Variants in FAM98B observed in about 807,000 individuals in gnomAD.
FAM98B encodes the protein tRNA splicing ligase complex subunit 3B.
In FAM98B, 32 loss-of-function variants were observed where a neutral mutation model predicts 43.9. The ratio of observed to expected loss-of-function variants is 0.73; its 90% CI spans 0.55 to 0.98. The LOEUF is 0.98. Among genes scored for constraint, FAM98B ranks in the 50% least tolerant of loss-of-function variants. The pLI is 0.00. For synonymous variants in FAM98B, 190 were observed against 174.0 expected (o/e 1.09, Z -0.72); for missense variants, 514 against 522.9 (o/e 0.98, Z 0.17).
intron 6 of FAM98B, among the ~76,000 whole-genome samples, chr15:38,476,248 C>T (rs1257002639): frequency 1.3e-5 from 2 of 152,058 alleles, no homozygotes; most frequent in African/African-American, 4.8e-5. Context: ...AGAAAACTGA[C>T]TCCATTCTCT....
intron 4 of FAM98B, among the ~76,000 whole-genome samples, chr15:38,471,026 G>A (rs975251523): frequency 1.3e-5 from 2 of 151,442 alleles, no homozygotes; most frequent in African/African-American, 4.9e-5. Flanking sequence ...TACTCTCACA[G>A]ACCAAATTCT....
chr15:38,475,325 T>G (rs1281580718), intron 6 of FAM98B, among the ~76,000 whole-genome samples: 2 of 152,184 alleles, frequency 1.3e-5, no homozygotes, highest in Admixed American at 6.5e-5. Flanking sequence ...TCTTTCCATG[T>G]GATATATTAG....
intron 4 of FAM98B, 148 bp downstream of exon 4, chr15:38,470,553 C>G (rs1025281735): frequency 4.7e-6 from 3 of 637,694 alleles, no homozygotes; most frequent in Non-Finnish European, 7.5e-6. Context: ...TGGATTCAGA[C>G]TTAACAGGCA....
intron 6 of FAM98B, among the ~76,000 whole-genome samples, chr15:38,480,105 AT>A (rs1198342734): frequency 1.3e-5 from 2 of 151,976 alleles, no homozygotes; most frequent in Non-Finnish European, 2.9e-5. Flanking sequence ...TGTTGAAAAT[AT>A]TTTCCCCAGT....
intron 7 of FAM98B, chr15:38,483,036 G>C (rs1214889257): frequency 6.6e-6 from 1 of 152,086 alleles, no homozygotes; most frequent in Non-Finnish European, 1.5e-5. Flanking sequence ...GTGATACCTG[G>C]AATTATAGTT....
At chr15:38,476,177 A>G (rs1399530319) in intron 6 of FAM98B, among the ~76,000 whole-genome samples, 6 of 152,200 alleles carry the variant, frequency 3.9e-5, no homozygotes, top group African/African-American at 1.4e-4. Flanking sequence ...TTGAAAATGT[A>G]TTTCTCTAAG....
Position 38,454,375 on chromosome 15 carries a change from G to T in FAM98B, c.71+143G>T, listed in dbSNP as rs1006479036. ...CTGCCTCGATCCCTCCGGCGCCGAC[G>T]GAGTTAAGCGGGAGGCGGGAGAGAA... On this transcript the variant is annotated intron_variant, in intron 1 of 7. Transcript: ENST00000397609. The T allele has an allele frequency of 3.7e-6, 3 of 818,718 alleles. No individual in the cohort carries two copies. The African/African-American group carries it at 5.4e-5, about 15-fold the overall frequency. 50.7% of individuals were successfully genotyped at this position (818,718 alleles called of 1,614,324 possible).
Position 38,474,312 on chromosome 15 carries a change from C to T in FAM98B, c.729+14C>T, listed in dbSNP as rs779372591. 40 of 1,566,670 alleles carry T rather than the reference C, an allele frequency of 2.6e-5. No individual in the cohort carries two copies. The highest frequency in any genetic ancestry group is 3.2e-5 in the Non-Finnish European group (36 of 1,138,692). On this transcript the variant is annotated intron_variant, in intron 6 of 7. Transcript: ENST00000397609. ...GATAGAGCAAAGGTAAGGCTGTTTT[C>T]CCATATGTGTCCTGTAGGTGGTAGC...
At chr15:38,474,707 G>T (rs560985183) in intron 6 of FAM98B, among the ~76,000 whole-genome samples, 18 of 152,088 alleles carry the variant, frequency 1.2e-4, no homozygotes, top group Non-Finnish European at 2.4e-4. Flanking sequence ...GTTGAAGAGG[G>T]GGTTGGGAGG....
At chr15:38,454,498 TG>T (rs887304518) in intron 1 of FAM98B, among the ~76,000 whole-genome samples, 7 of 152,258 alleles carry the variant, frequency 4.6e-5, no homozygotes, top group African/African-American at 1.7e-4. Context: ...ATCCGCCGGG[TG>T]GCGCGGAGCG....
In FAM98B at chr15:38,486,220, A is replaced by AT. The variant is rs1890369502; in HGVS notation, c.*1567dup. ...AAATTTTTTGGTTATTTGTAAATTT[A>AT]TTTTTTGTGTGTTTATATTTAATGA... On this transcript the variant is annotated 3_prime_UTR_variant, in exon 8 of 8. Coordinates refer to ENST00000397609, the MANE Select transcript of FAM98B (RefSeq NM_173611.4). The AT allele has an allele frequency of 6.6e-6, 1 of 152,060 alleles. No homozygotes were observed. The allele number at this position is 152,060 out of a possible 1,614,324, so 9.4% of individuals were successfully genotyped here.
intron 1 of FAM98B, chr15:38,459,016 A>T (rs926446225): frequency 9.0e-6 from 3 of 334,898 alleles, no homozygotes; most frequent in African/African-American, 6.5e-5. Flanking sequence ...AGCCCGGAAC[A>T]CCCCACACCG....
At chr15:38,463,715 A>G (rs748522438) in intron 1 of FAM98B, among the ~76,000 whole-genome samples, 1 of 152,056 alleles carries the variant, frequency 6.6e-6, no homozygotes, top group South Asian at 2.1e-4. Flanking sequence ...TGTGGTATTT[A>G]TCTGAAAATT....
At chr15:38,479,863 A>G (rs1232881850) in intron 6 of FAM98B, among the ~76,000 whole-genome samples, 2 of 152,230 alleles carry the variant, frequency 1.3e-5, no homozygotes, top group Non-Finnish European at 2.9e-5. Context: ...GGTAAATGAA[A>G]TGTTGTGTCA....
chr15:38,456,176 G>A (rs1889845216), intron 1 of FAM98B, among the ~76,000 whole-genome samples: 1 of 152,216 alleles, frequency 6.6e-6, no homozygotes, highest in Non-Finnish European at 1.5e-5. Context: ...AAACAGGATA[G>A]GCTAGGAGTC....
At chr15:38,463,933 T>C in intron 1 of FAM98B, 99 bp from the exon 2 acceptor site, 1 of 1,164,136 alleles carries the variant, frequency 8.6e-7, no homozygotes, top group Non-Finnish European at 1.2e-6. Context: ...AATAACATTT[T>C]ATTTACAAAA....
chr15:38,466,210 G>A (rs892831367), intron 3 of FAM98B, among the ~76,000 whole-genome samples: 1 of 132,180 alleles, frequency 7.6e-6, no homozygotes, highest in Non-Finnish European at 1.7e-5. Context: ...GTGTGTGTGT[G>A]TGTGTGTGTT....
intron 4 of FAM98B, among the ~76,000 whole-genome samples, chr15:38,471,409 A>C (rs1209953567): frequency 6.6e-6 from 1 of 152,062 alleles, no homozygotes; most frequent in African/African-American, 2.4e-5. Context: ...TTTCCTCTGG[A>C]TGAAGACTGA....
At chr15:38,478,592 AC>A (rs1159980094) in intron 6 of FAM98B, among the ~76,000 whole-genome samples, 1 of 152,210 alleles carries the variant, frequency 6.6e-6, no homozygotes, top group Non-Finnish European at 1.5e-5. Flanking sequence ...GTATTCATAG[AC>A]ACTGAGGTTT....
Sources: gnomAD v4.1 joint callset for allele counts (sites outside exome capture counted in the v4.1 genomes callset) on GRCh38, gnomAD v4.1.1 for gene constraint, MANE v1.5 for transcripts, NCBI Gene and HGNC (gene_info 2026-07-23, HGNC 2026-07-21) for gene names.